DDX10: variants seen among roughly 807,000 people sequenced by gnomAD.
The protein encoded by DDX10 is probable ATP-dependent RNA helicase DDX10.
DDX10 carries 74 observed loss-of-function variants against 104.3 expected under a neutral mutation model. The observed-to-expected ratio is 0.71, with a 90% CI of 0.59 to 0.86. The LOEUF (loss-of-function observed/expected upper bound fraction) is 0.86. Ranked by LOEUF, DDX10 falls within the 40% of genes least tolerant of loss-of-function variation. The pLI is 0.00. For missense variants in DDX10, 952 were observed against 1,040.0 expected (o/e 0.92, Z 1.16); for synonymous variants, 351 against 353.4 (o/e 0.99, Z 0.08).
chr11:108,851,305 T>C (rs1038053642), intron 15 of DDX10, among the ~76,000 whole-genome samples: 17 of 152,180 alleles, frequency 1.1e-4, no homozygotes, highest in Non-Finnish European at 2.5e-4. Context: ...GTGTTAGTTA[T>C]GATCAGTTAT....
At chr11:108,706,564 G>T (rs909285303) in intron 9 of DDX10, among the ~76,000 whole-genome samples, 175 bp from the exon 10 acceptor site, 1 of 152,152 alleles carries the variant, frequency 6.6e-6, no homozygotes, top group Non-Finnish European at 1.5e-5. Context: ...AACTAGTGAT[G>T]AAAATGATAT....
intron 13 of DDX10, among the ~76,000 whole-genome samples, chr11:108,734,483 C>T (rs1223614778): frequency 6.6e-6 from 1 of 151,572 alleles, no homozygotes; most frequent in Non-Finnish European, 1.5e-5. Flanking sequence ...ATTTTTTTTC[C>T]TATTTGAGTT....
rs751013519 is a variant in DDX10 at position 108,723,416 on chromosome 11, G to A, written c.1919G>A (p.Arg640Gln). 26 of 1,613,486 alleles carry A rather than the reference G, an allele frequency of 1.6e-5. No homozygotes were observed. Among genetic ancestry groups the A allele is most frequent in the East Asian group, 8.9e-5 (4 of 44,868 alleles). Residue 640 changes from arginine to glutamine, a missense_variant, in exon 13 of 18, where the codon CGG becomes CAG. Transcript: ENST00000322536. ...GATGCTGATTTCTTGAAGGTGAAGC[G>A]GCATAATGTGTTTGGATTGGACCTT... ...EEDADFLKVKRHNVFGLDLKD... is the reference protein window; with the variant it reads ...EEDADFLKVKQHNVFGLDLKD...
chr11:108,681,370 G>C (rs923798482), intron 6 of DDX10, among the ~76,000 whole-genome samples: 1 of 152,162 alleles, frequency 6.6e-6, no homozygotes, highest in Non-Finnish European at 1.5e-5. Flanking sequence ...AGGTAGACAT[G>C]TATTGACATA....
At chr11:108,782,394 A>G (rs1224989342) in intron 13 of DDX10, among the ~76,000 whole-genome samples, 4 of 152,174 alleles carry the variant, frequency 2.6e-5, no homozygotes, top group African/African-American at 9.7e-5. Context: ...CCTCAGCTGC[A>G]GTTAAATTCT....
At chr11:108,788,839 G>C (rs1165564937) in intron 13 of DDX10, among the ~76,000 whole-genome samples, 1 of 152,214 alleles carries the variant, frequency 6.6e-6, no homozygotes, top group African/African-American at 2.4e-5. Flanking sequence ...GGTTCTGTTG[G>C]TAGTTAGTGT....
intron 11 of DDX10, 44 bp from the exon 12 acceptor site, chr11:108,719,753 T>G: frequency 7.8e-7 from 1 of 1,282,230 alleles, no homozygotes; most frequent in Non-Finnish European, 1.1e-6. Context: ...TAAACTCATT[T>G]TTAATTTCTA....
intron 13 of DDX10, among the ~76,000 whole-genome samples, chr11:108,745,182 C>T (rs1177012765): frequency 5.0e-5 from 7 of 140,328 alleles, no homozygotes; most frequent in Non-Finnish European, 1.1e-4. Context: ...CCCTCCCCTC[C>T]CCTCCCCTTC....
chr11:108,799,156 G>C (rs1419142476), intron 13 of DDX10, among the ~76,000 whole-genome samples: 20 of 152,140 alleles, frequency 1.3e-4, no homozygotes, highest in Admixed American at 1.3e-3. Context: ...AGTTCTTTAG[G>C]AGAACTCTGA....
Position 108,673,464 on chromosome 11 carries a change from C to A in DDX10, c.187-3C>A. ...ACCCTGATTCCTTTTTCTTTTTTTC[C>A]AGATAAATGTAAATGAAATCACAAG... is the stretch of plus-strand genomic sequence containing the variant. On this transcript the variant is annotated splice_polypyrimidine_tract_variant and splice_region_variant and intron_variant, in intron 1 of 17. Coordinates refer to ENST00000322536, the MANE Select transcript of DDX10 (RefSeq NM_004398.4). 6.3e-7 allele frequency: 1 copy of A among 1,577,392 alleles called. No individual in the cohort carries two copies. Among genetic ancestry groups the A allele is most frequent in the Non-Finnish European group, 8.7e-7 (1 of 1,149,418 alleles).
intron 13 of DDX10, among the ~76,000 whole-genome samples, chr11:108,725,758 GTGTC>G (rs1054105693): frequency 3.3e-5 from 5 of 151,988 alleles, no homozygotes; most frequent in African/African-American, 9.6e-5. Flanking sequence ...TTTATTTTGA[GTGTC>G]TGGCAAAGAG....
intron 16 of DDX10, among the ~76,000 whole-genome samples, chr11:108,870,302 A>T (rs1162837675): frequency 1.3e-5 from 2 of 152,082 alleles, no homozygotes; most frequent in Non-Finnish European, 2.9e-5. Context: ...CCACTCTTCT[A>T]TCCCCAGTTT....
chr11:108,904,027 A>T (rs1863555238), intron 16 of DDX10, among the ~76,000 whole-genome samples: 1 of 152,080 alleles, frequency 6.6e-6, no homozygotes, highest in African/African-American at 2.4e-5. Flanking sequence ...TTTAATTTTA[A>T]GGTCCTTGTT....
intron 6 of DDX10, among the ~76,000 whole-genome samples, chr11:108,681,885 C>A (rs4754345): frequency 6.6e-6 from 1 of 151,980 alleles, no homozygotes; most frequent in Non-Finnish European, 1.5e-5. Flanking sequence ...AAACATTAAT[C>A]ATTATGAAAT....
rs761009926 is a variant in DDX10 at position 108,671,254 on chromosome 11, C to A, written c.187-2213C>A. 5.9e-5 allele frequency among the ~76,000 whole-genome samples: 9 copies of A among 152,346 alleles called. No individual in the cohort carries two copies. The Middle Eastern group carries it at 0.01, about 173-fold the overall frequency. On this transcript the variant is annotated intron_variant, in intron 1 of 17. Coordinates refer to ENST00000322536, the MANE Select transcript of DDX10 (RefSeq NM_004398.4). Reference sequence around the variant, plus strand: ...TCTCTGCTCACCACAACCTCTGCCTCCTGGGTTCAAACGATTCTCCTGCCT... The same window carrying A: ...TCTCTGCTCACCACAACCTCTGCCTACTGGGTTCAAACGATTCTCCTGCCT...
chr11:108,870,438 G>C (rs532205626), intron 16 of DDX10, among the ~76,000 whole-genome samples: 27 of 152,292 alleles, frequency 1.8e-4, no homozygotes, highest in Non-Finnish European at 2.8e-4. Flanking sequence ...GTTCACATGT[G>C]ATCTAGCTTC....
chr11:108,686,415 G>A lies in DDX10; in HGVS notation c.849-2521G>A, dbSNP rs192196994. 1.0e-3 allele frequency among the ~76,000 whole-genome samples: 152 copies of A among 152,160 alleles called. 1 individual carries two copies. The highest frequency in any genetic ancestry group is 3.4e-4 in the Non-Finnish European group (23 of 67,994). ...GCCTATTCATTTATTCATCTCCCCT[G>A]GCAGCCGCTGATCTTTTTACTGTCT... On this transcript the variant is annotated intron_variant, in intron 6 of 17. Transcript: ENST00000322536.
intron 9 of DDX10, among the ~76,000 whole-genome samples, chr11:108,698,349 G>A (rs1179783172): frequency 1.3e-5 from 2 of 152,212 alleles, no homozygotes; most frequent in African/African-American, 4.8e-5. Context: ...ATCTTTGTTA[G>A]TGAAAATGAT....
At chr11:108,895,177 C>T (rs1443596779) in intron 16 of DDX10, among the ~76,000 whole-genome samples, 1 of 151,980 alleles carries the variant, frequency 6.6e-6, no homozygotes, top group African/African-American at 2.4e-5. Context: ...GTAAAATTAA[C>T]TCCGTTTTAA....
Sources: allele counts gnomAD v4.1 joint callset (sites outside exome capture counted in the v4.1 genomes callset), GRCh38; gene constraint gnomAD v4.1.1; transcripts MANE v1.5; gene names NCBI Gene and HGNC (gene_info 2026-07-23, HGNC 2026-07-21).